PRTG: variants seen among roughly 807,000 people sequenced by gnomAD.
PRTG encodes protogenin.
PRTG carries 67 observed loss-of-function variants against 122.5 expected under a neutral mutation model. The observed-to-expected ratio is 0.55, with a 90% CI of 0.45 to 0.67. The LOEUF (loss-of-function observed/expected upper bound fraction) is 0.67, where lower values mean the gene tolerates loss of function less well. PRTG is among the 30% of genes least tolerant of loss of function. The pLI is 0.00. For missense variants in PRTG, 1,435 were observed against 1,415.4 expected (o/e 1.01, Z -0.22); for synonymous variants, 554 against 501.1 (o/e 1.11, Z -1.41).
intron 2 of PRTG, among the ~76,000 whole-genome samples, chr15:55,714,968 A>C (rs1207546747): frequency 2.0e-5 from 3 of 152,206 alleles, no homozygotes; most frequent in African/African-American, 7.2e-5. Flanking sequence ...TACAGATAAA[A>C]TACTCTAATA....
chr15:55,742,356 C>G (rs557190012), intron 1 of PRTG: 1 of 154,292 alleles, frequency 6.5e-6, no homozygotes, highest in East Asian at 1.9e-4. Context: ...GGAACTCCCA[C>G]AACAGACACG....
intron 11 of PRTG, among the ~76,000 whole-genome samples, chr15:55,669,456 A>G (rs1194621798): frequency 1.3e-5 from 2 of 152,210 alleles, no homozygotes; most frequent in African/African-American, 4.8e-5. Context: ...AGATGCTCTC[A>G]CTAAAAATGG....
At chr15:55,675,774 G>A in intron 8 of PRTG, 91 bp from the exon 9 acceptor site, 1 of 669,064 alleles carries the variant, frequency 1.5e-6, no homozygotes, top group Non-Finnish European at 2.5e-6. Context: ...CTGGTCCTTG[G>A]GTCTAATCTC....
At chr15:55,633,366 C>A (rs929705389) in intron 15 of PRTG, among the ~76,000 whole-genome samples, 1 of 152,020 alleles carries the variant, frequency 6.6e-6, no homozygotes, top group Admixed American at 6.6e-5. Flanking sequence ...CATGCCACCA[C>A]GCCCTATAAT....
intron 11 of PRTG, among the ~76,000 whole-genome samples, chr15:55,644,959 C>T (rs2059312373): frequency 6.6e-6 from 1 of 152,140 alleles, no homozygotes; most frequent in Non-Finnish European, 1.5e-5. Flanking sequence ...AGGTTAGGGG[C>T]AAAGCTGAGC....
intron 6 of PRTG, 55 bp downstream of exon 6, chr15:55,679,999 A>G (rs1357966262): frequency 6.9e-7 from 1 of 1,447,688 alleles, no homozygotes. Context: ...AATGAGATAA[A>G]ACGGCAAATG....
intron 2 of PRTG, among the ~76,000 whole-genome samples, chr15:55,684,374 G>C (rs1158915940): frequency 6.6e-6 from 1 of 152,122 alleles, no homozygotes; most frequent in African/African-American, 2.4e-5. Flanking sequence ...TTAGATGGGG[G>C]TGGTGGTGGT....
intron 2 of PRTG, among the ~76,000 whole-genome samples, chr15:55,700,384 A>G (rs1448209444): frequency 6.6e-6 from 1 of 152,220 alleles, no homozygotes; most frequent in African/African-American, 2.4e-5. Context: ...GAAAACAGAA[A>G]AATCTTTGTG....
chr15:55,673,594 T>C lies in PRTG; in HGVS notation c.1629A>G (p.Lys543=). ...ILISWLPIPA[K]YRRGQVVLYR... is the part of the protein sequence containing the mutation. Reference sequence around the variant, plus strand: ...ACAGCACCACTTGGCCCCGCCGATATTTGGCTGGGATTGGCAGCCAGGAGA... The same window carrying C: ...ACAGCACCACTTGGCCCCGCCGATACTTGGCTGGGATTGGCAGCCAGGAGA... Residue 543 remains lysine, a synonymous_variant, in exon 10 of 20, where the codon AAA becomes AAG. Transcript: ENST00000389286. 1 of 1,614,168 alleles carries C rather than the reference T, an allele frequency of 6.2e-7. No individual in the cohort carries two copies. Among genetic ancestry groups the C allele is most frequent in the Non-Finnish European group, 8.5e-7 (1 of 1,179,996 alleles).
intron 3 of PRTG, among the ~76,000 whole-genome samples, chr15:55,682,933 A>G (rs2059549027): frequency 6.6e-6 from 1 of 152,206 alleles, no homozygotes; most frequent in South Asian, 2.1e-4. Flanking sequence ...GCTACAAGCA[A>G]TACTTTAAAG....
chr15:55,661,717 AT>A (rs2059410799), intron 11 of PRTG, among the ~76,000 whole-genome samples: 1 of 152,206 alleles, frequency 6.6e-6, no homozygotes, highest in Non-Finnish European at 1.5e-5. Context: ...CTTTTCAGTC[AT>A]TCTACAAAGA....
rs1160535077 is a variant in PRTG, at chr15:55,682,514, ATAAT to A, written c.543-21_543-18del. 2 of 1,364,562 alleles carry A rather than the reference ATAAT, an allele frequency of 1.5e-6. No individual in the cohort carries two copies. The highest frequency in any genetic ancestry group is 9.7e-7 in the Non-Finnish European group (1 of 1,036,070). The allele number at this position is 1,364,562 out of a possible 1,614,324, so 84.5% of individuals were successfully genotyped here. ...GCAGTTATCCTGTTATGAGAGAAAGATAATTAAACTTTTTGTAGTAGATTTCATA... is the reference window on the plus strand; with the variant it reads ...GCAGTTATCCTGTTATGAGAGAAAGATAAACTTTTTGTAGTAGATTTCATA... On this transcript the variant is annotated intron_variant, in intron 3 of 19. Coordinates refer to ENST00000389286, the MANE Select transcript of PRTG (RefSeq NM_173814.6).
In PRTG at chr15:55,641,200, T is replaced by C; in HGVS notation, c.2050A>G (p.Arg684Gly). Residue 684 changes from arginine (R) to glycine (G), a missense_variant, in exon 12 of 20, where the codon AGA becomes GGA. By Grantham distance (125) the Arg-to-Gly change is moderately radical. Transcript: ENST00000389286. Reference protein sequence around the residue: ...LYTLSGLDPRRKYHVRLLAYN... With the variant: ...LYTLSGLDPRGKYHVRLLAYN... ...GCCAGGAGTCTCACATGATATTTTC[T>C]TCTGGGGTCTATAAAGAAACCAATA... 1 of 1,611,892 alleles carries C rather than the reference T, an allele frequency of 6.2e-7. No homozygotes were observed.
At chr15:55,673,100 T>C (rs1190855111) in intron 10 of PRTG, among the ~76,000 whole-genome samples, 1 of 152,192 alleles carries the variant, frequency 6.6e-6, no homozygotes, top group Non-Finnish European at 1.5e-5. Flanking sequence ...ATGAATATCT[T>C]ACTTTGGAAA....
At chr15:55,721,671 A>G (rs1196019318) in intron 2 of PRTG, among the ~76,000 whole-genome samples, 2 of 152,168 alleles carry the variant, frequency 1.3e-5, no homozygotes, top group African/African-American at 4.8e-5. Context: ...GGACATACCC[A>G]AGACTGGGTA....
In PRTG at chr15:55,738,180, T is replaced by G. The variant is rs1355827695; in HGVS notation, c.397+2202A>C. 17 of 207,588 alleles carry G rather than the reference T, an allele frequency of 8.2e-5. No individual in the cohort carries two copies. The East Asian group carries it at 1.7e-3, about 20-fold the overall frequency. 12.9% of individuals were successfully genotyped at this position (207,588 alleles called of 1,614,324 possible). ...TCAGAACTTTAATTTTAAAAATACA[T>G]AAAATATAAAAACTTCACCACAACT... On this transcript the variant is annotated intron_variant, in intron 2 of 19. Transcript: ENST00000389286.
At chr15:55,651,281 T>C (rs1362292268) in intron 11 of PRTG, among the ~76,000 whole-genome samples, 1 of 151,862 alleles carries the variant, frequency 6.6e-6, no homozygotes, top group Non-Finnish European at 1.5e-5. Context: ...GAGATATGAA[T>C]ACATACATTC....
At chr15:55,710,445 A>C (rs1158958998) in intron 2 of PRTG, among the ~76,000 whole-genome samples, 1 of 152,184 alleles carries the variant, frequency 6.6e-6, no homozygotes, top group African/African-American at 2.4e-5. Flanking sequence ...CCCAGGGAAA[A>C]GTGTTCTCTT....
At chr15:55,651,912 T>C (rs990437704) in intron 11 of PRTG, among the ~76,000 whole-genome samples, 2 of 152,138 alleles carry the variant, frequency 1.3e-5, no homozygotes, top group Non-Finnish European at 2.9e-5. Flanking sequence ...TTATTTCCCA[T>C]CCTTCTATGG....
Sources: gnomAD v4.1 joint callset for allele counts (sites outside exome capture counted in the v4.1 genomes callset) on GRCh38, gnomAD v4.1.1 for gene constraint, MANE v1.5 for transcripts, NCBI Gene and HGNC (gene_info 2026-07-23, HGNC 2026-07-21) for gene names.